The following INPP4B variants were observed in gnomAD, a reference collection of about 807,000 sequenced individuals.
INPP4B encodes the protein inositol polyphosphate-4-phosphatase type II B, also known as inositol polyphosphate 4-phosphatase type II.
A neutral mutation model predicts 122.5 loss-of-function variants in INPP4B; 55 were observed. That is an observed-to-expected ratio of 0.45 (90% CI 0.36 to 0.56). The LOEUF is 0.56. Among genes scored for constraint, INPP4B ranks in the 20% least tolerant of loss-of-function variants. The probability of loss-of-function intolerance (pLI) is 0.00; values close to 1 mark genes in which losing one functional copy is unlikely to be tolerated. For missense variants in INPP4B, 1,000 were observed against 1,097.7 expected (o/e 0.91, Z 1.26); for synonymous variants, 403 against 388.7 (o/e 1.04, Z -0.43).
chr4:142,509,495 G>A (rs1824442468), intron 2 of INPP4B, among the ~76,000 whole-genome samples: 1 of 152,096 alleles, frequency 6.6e-6, no homozygotes, highest in Middle Eastern at 3.4e-3. Context: ...TTCTGTTCCT[G>A]TGTTAGTTTG....
chr4:142,084,427 T>C (rs914868052), intron 24 of INPP4B, among the ~76,000 whole-genome samples: 6 of 152,072 alleles, frequency 3.9e-5, no homozygotes, highest in African/African-American at 1.4e-4. Flanking sequence ...CCACTTTATA[T>C]TTTTCAATTA....
chr4:142,280,273 C>A (rs1027556251), intron 9 of INPP4B, among the ~76,000 whole-genome samples: 43 of 151,626 alleles, frequency 2.8e-4, no homozygotes, highest in Non-Finnish European at 5.0e-4. Flanking sequence ...TCATAATAGC[C>A]AAAAAACTGG....
intron 1 of INPP4B, among the ~76,000 whole-genome samples, chr4:142,833,421 A>G (rs1297082455): frequency 1.3e-5 from 2 of 151,924 alleles, no homozygotes; most frequent in Non-Finnish European, 2.9e-5. Context: ...TCATAAATAC[A>G]GGTAAAGCTG....
At chr4:142,206,341 ATC>A (rs1395766489) in intron 14 of INPP4B, among the ~76,000 whole-genome samples, 11 of 133,728 alleles carry the variant, frequency 8.2e-5, no homozygotes, top group African/African-American at 3.0e-4. Flanking sequence ...GGGCCCATCC[ATC>A]TCTCTCTCTC....
intron 2 of INPP4B, among the ~76,000 whole-genome samples, chr4:142,633,202 A>G (rs892244618): frequency 1.3e-5 from 2 of 152,086 alleles, no homozygotes; most frequent in African/African-American, 2.4e-5. Context: ...AATATATAAA[A>G]TATCTTAAAT....
At chr4:142,048,407 G>A (rs1200824597) in intron 25 of INPP4B, among the ~76,000 whole-genome samples, 4 of 152,070 alleles carry the variant, frequency 2.6e-5, no homozygotes, top group Non-Finnish European at 5.9e-5. Flanking sequence ...TTATCAGAGT[G>A]GGCTTAGGCT....
rs183972717 is a variant in INPP4B, at chr4:142,733,118, A to C, written c.-253-7217T>G. On this transcript the variant is annotated intron_variant, in intron 1 of 25. Coordinates refer to ENST00000262992, the MANE Select transcript of INPP4B (RefSeq NM_001101669.3). ...ATGGTGCTGAATGAATTACATATCA[A>C]TTTGTGGGGAAAAAGTGGATCCTGA... Among the ~76,000 whole-genome samples the C allele has an allele frequency of 2.4e-4, 36 of 152,242 alleles. 1 individual carries two copies.
intron 11 of INPP4B, among the ~76,000 whole-genome samples, chr4:142,254,648 T>C (rs931377266): frequency 6.6e-6 from 1 of 151,820 alleles, no homozygotes; most frequent in Non-Finnish European, 1.5e-5. Flanking sequence ...AAGGGAAGTT[T>C]AGAGAAAAAA....
chr4:142,393,429 C>T (rs1422909162), intron 7 of INPP4B, among the ~76,000 whole-genome samples: 1 of 152,182 alleles, frequency 6.6e-6, no homozygotes, highest in Non-Finnish European at 1.5e-5. Context: ...GATGTTTCAG[C>T]GTAAGGAGGT....
At chr4:142,745,464 ATGT>A (rs1372166906) in intron 1 of INPP4B, among the ~76,000 whole-genome samples, 1 of 151,888 alleles carries the variant, frequency 6.6e-6, no homozygotes, top group East Asian at 1.9e-4. Flanking sequence ...GACCATTCAC[ATGT>A]TTTCTATAAA....
chr4:142,421,434 A>G (rs1806868718), intron 5 of INPP4B, among the ~76,000 whole-genome samples: 1 of 152,144 alleles, frequency 6.6e-6, no homozygotes, highest in Non-Finnish European at 1.5e-5. Context: ...GCACAGCCCC[A>G]GAGGCAGTAA....
intron 2 of INPP4B, among the ~76,000 whole-genome samples, chr4:142,638,871 C>A (rs1749755611): frequency 6.6e-6 from 1 of 152,088 alleles, no homozygotes; most frequent in East Asian, 1.9e-4. Flanking sequence ...AATGGAAAAG[C>A]TTCTCGTTTT....
intron 14 of INPP4B, among the ~76,000 whole-genome samples, chr4:142,197,994 T>C (rs1839069516): frequency 6.6e-6 from 1 of 152,106 alleles, no homozygotes; most frequent in Non-Finnish European, 1.5e-5. Flanking sequence ...AATGAGCATA[T>C]ACTGGATGCT....
At chr4:142,681,701 G>A (rs879794614) in intron 2 of INPP4B, among the ~76,000 whole-genome samples, 6 of 151,850 alleles carry the variant, frequency 4.0e-5, no homozygotes, top group Admixed American at 1.3e-4. Context: ...GGTTGCTAGC[G>A]ATGAAAGAGA....
chr4:142,110,022 A>G (rs1441360688), intron 22 of INPP4B, among the ~76,000 whole-genome samples: 1 of 152,154 alleles, frequency 6.6e-6, no homozygotes, highest in Non-Finnish European at 1.5e-5. Context: ...AGACACTGTA[A>G]TCAACTGGTA....
chr4:142,256,701 T>C (rs1263972909), intron 11 of INPP4B, among the ~76,000 whole-genome samples: 1 of 152,126 alleles, frequency 6.6e-6, no homozygotes, highest in African/African-American at 2.4e-5. Context: ...TCTGAAATTG[T>C]GGCAATAATC....
chr4:142,378,669 T>G (rs941003846), intron 7 of INPP4B, among the ~76,000 whole-genome samples: 3 of 152,222 alleles, frequency 2.0e-5, no homozygotes, highest in Non-Finnish European at 2.9e-5. Context: ...GCCCTAGGAC[T>G]ATTTTGGCTT....
intron 2 of INPP4B, among the ~76,000 whole-genome samples, chr4:142,718,998 C>G (rs1396149859): frequency 6.6e-6 from 1 of 152,182 alleles, no homozygotes; most frequent in Admixed American, 6.5e-5. Flanking sequence ...GTAACATTTA[C>G]ATTAATATTT....
At chr4:142,690,556 A>G (rs975785763) in intron 2 of INPP4B, among the ~76,000 whole-genome samples, 1 of 152,082 alleles carries the variant, frequency 6.6e-6, no homozygotes, top group Admixed American at 6.6e-5. Flanking sequence ...GTTGGGACTT[A>G]CTGTGCTCTT....
Sources: allele counts gnomAD v4.1 joint callset (sites outside exome capture counted in the v4.1 genomes callset), GRCh38; gene constraint gnomAD v4.1.1; transcripts MANE v1.5; gene names NCBI Gene and HGNC (gene_info 2026-07-23, HGNC 2026-07-21).